The following NFAT5 variants were observed in gnomAD, a reference collection of about 807,000 sequenced individuals.
NFAT5 encodes nuclear factor of activated T-cells 5.
Under a neutral mutation model 166.5 loss-of-function variants are expected in NFAT5, and 31 were observed. The ratio of observed to expected loss-of-function variants is 0.19; its 90% confidence interval spans 0.14 to 0.25. The LOEUF is 0.25. Ranked by LOEUF, NFAT5 falls within the 10% of genes least tolerant of loss-of-function variation. The pLI is 1.00. For missense variants in NFAT5, 1,449 were observed against 1,821.8 expected, an observed-to-expected ratio of 0.80 and a Z score of 3.72; for synonymous variants, 612 against 639.7, an observed-to-expected ratio of 0.96 and a Z score of 0.65.
chr16:69,627,293 G>C (rs1468560547), intron 3 of NFAT5, among the ~76,000 whole-genome samples: 1 of 130,176 alleles, frequency 7.7e-6, no homozygotes, highest in African/African-American at 2.8e-5. Context: ...TTTATAGACT[G>C]CTAAGTGTGT....
chr16:69,656,652 A>G (rs1219878918), intron 6 of NFAT5, among the ~76,000 whole-genome samples: 1 of 151,976 alleles, frequency 6.6e-6, no homozygotes, highest in Non-Finnish European at 1.5e-5. Flanking sequence ...GGGTTTCACC[A>G]TCTTGGCCAG....
chr16:69,644,686 C>T, intron 3 of NFAT5: 6 of 262,536 alleles, frequency 2.3e-5, no homozygotes, highest in Non-Finnish European at 3.8e-5. Flanking sequence ...AATTTTTTAC[C>T]TCAGAGAACA....
intron 4 of NFAT5, chr16:69,648,187 A>AG (rs1484150670): frequency 5.1e-6 from 5 of 982,962 alleles, no homozygotes; most frequent in Admixed American, 1.2e-4. Context: ...AAAAAAAAAA[A>AG]AACACCAAAA....
chr16:69,572,504 T>G (rs2016502084), intron 2 of NFAT5, among the ~76,000 whole-genome samples: 1 of 152,128 alleles, frequency 6.6e-6, no homozygotes. Flanking sequence ...CTAGGATTCC[T>G]TTTTGAAGTG....
Position 69,702,643 on chromosome 16 carries a change from T to C in NFAT5, c.*6292T>C, listed in dbSNP as rs1346788949. 2 of 128,314 alleles carry C rather than the reference T, an allele frequency of 1.6e-5. No individual in the cohort carries two copies. The highest frequency in any genetic ancestry group is 6.9e-5 in the African/African-American group (2 of 29,096). 7.9% of individuals were successfully genotyped at this position (128,314 alleles called of 1,614,324 possible). ...ACATACTGAGTCAGAAACTCTGGAA[T>C]AGGGCCCCCGCAATCTGTTTTCACA... On this transcript the variant is annotated 3_prime_UTR_variant, in exon 15 of 15. Coordinates refer to ENST00000349945, the MANE Select transcript of NFAT5 (RefSeq NM_138713.4).
At chr16:69,603,576 AC>A (rs1567533425) in intron 2 of NFAT5, among the ~76,000 whole-genome samples, 1 of 152,024 alleles carries the variant, frequency 6.6e-6, no homozygotes, top group African/African-American at 2.4e-5. Flanking sequence ...ATAAAGTAAG[AC>A]CTCATCTCTA....
At chr16:69,635,572 A>G (rs1216229238) in intron 3 of NFAT5, among the ~76,000 whole-genome samples, 1 of 152,176 alleles carries the variant, frequency 6.6e-6, no homozygotes, top group African/African-American at 2.4e-5. Context: ...CTAGAAAGAA[A>G]AAAAGGTTTA....
intron 9 of NFAT5, among the ~76,000 whole-genome samples, chr16:69,671,654 C>T (rs141823191): frequency 2.0e-5 from 3 of 152,302 alleles, no homozygotes; most frequent in Admixed American, 2.0e-4. Context: ...CAGGTGTGAA[C>T]CACTGTGCCT....
At chr16:69,628,259 C>T (rs2034554971) in intron 3 of NFAT5, among the ~76,000 whole-genome samples, 2 of 151,824 alleles carry the variant, frequency 1.3e-5, no homozygotes, top group Non-Finnish European at 2.9e-5. Flanking sequence ...TAAGAAAAAT[C>T]TCTCAAGATA....
chr16:69,590,293 T>C (rs1395381003), intron 2 of NFAT5, among the ~76,000 whole-genome samples: 1 of 152,226 alleles, frequency 6.6e-6, no homozygotes, highest in Admixed American at 6.5e-5. Flanking sequence ...GATTTGTAAA[T>C]TGACAAATCT....
chr16:69,617,037 G>A (rs2033982688), intron 2 of NFAT5, among the ~76,000 whole-genome samples: 1 of 150,266 alleles, frequency 6.7e-6, no homozygotes, highest in South Asian at 2.1e-4. Flanking sequence ...TCCGCCTCCC[G>A]GGTTCACGCC....
chr16:69,667,406 A>C (rs1285591828), intron 7 of NFAT5, among the ~76,000 whole-genome samples: 2 of 152,008 alleles, frequency 1.3e-5, no homozygotes, highest in African/African-American at 4.8e-5. Flanking sequence ...TCTCTTTTGC[A>C]TAATTGTATA....
chr16:69,589,926 G>T (rs932350945), intron 2 of NFAT5, among the ~76,000 whole-genome samples: 2 of 152,114 alleles, frequency 1.3e-5, no homozygotes, highest in African/African-American at 4.8e-5. Context: ...GGAGGCCAGG[G>T]TGGGAGGATT....
chr16:69,593,819 T>C (rs915024879), intron 2 of NFAT5, among the ~76,000 whole-genome samples: 5 of 152,218 alleles, frequency 3.3e-5, no homozygotes, highest in African/African-American at 4.8e-5. Flanking sequence ...TCAGAATTTT[T>C]AAATATTAAG....
intron 2 of NFAT5, among the ~76,000 whole-genome samples, chr16:69,588,980 C>CTTTTTTTTTTTTTTTT (rs945918292): frequency 8.7e-5 from 3 of 34,368 alleles, no homozygotes; most frequent in Non-Finnish European, 1.9e-4. Flanking sequence ...TTTCCTACTT[C>CTTTTTTTTTTTTTTTT]TTTTTTTTTT....
chr16:69,660,355 A>T (rs1217208692), intron 7 of NFAT5, among the ~76,000 whole-genome samples: 6 of 152,168 alleles, frequency 3.9e-5, no homozygotes. Context: ...CTTGAGCCCT[A>T]GGAGGTCAAG....
At chr16:69,687,760 A>G (rs574939594) in intron 11 of NFAT5, among the ~76,000 whole-genome samples, 1 of 151,034 alleles carries the variant, frequency 6.6e-6, no homozygotes, top group East Asian at 1.9e-4. Flanking sequence ...TGTAATTTCT[A>G]ATTGAATTAT....
rs773481235 is a variant in NFAT5 at position 69,692,847 on chromosome 16, G to A, written c.3022G>A (p.Gly1008Arg). The A allele has an allele frequency of 6.2e-7, 1 of 1,614,206 alleles. No homozygotes were observed. The highest frequency in any genetic ancestry group is 1.3e-5 in the African/African-American group (1 of 75,048). The part of the protein sequence containing the change: ...TMFQTSSSGD[G>R]EETGTQAKQI... ...GTTTCAGACATCAAGTTCAGGAGAT[G>A]GAGAAGAAACTGGAACACAAGCAAA... The change falls in exon 13 of 15, where the codon GGA (glycine) becomes AGA (arginine). Residue 1008 changes from glycine (G) to arginine (R), a missense_variant. Physicochemically the swap from Gly to Arg is moderately radical, Grantham distance 125 (BLOSUM62 -2). Transcript: ENST00000349945.
At chr16:69,670,796 C>T (rs1225163508) in intron 9 of NFAT5, among the ~76,000 whole-genome samples, 1 of 152,100 alleles carries the variant, frequency 6.6e-6, no homozygotes, top group East Asian at 1.9e-4. Flanking sequence ...GTATTTAGAG[C>T]AGACAGGACC....
Sources: allele counts gnomAD v4.1 joint callset (sites outside exome capture counted in the v4.1 genomes callset), GRCh38; gene constraint gnomAD v4.1.1; transcripts MANE v1.5; gene names NCBI Gene and HGNC (gene_info 2026-07-23, HGNC 2026-07-21).